Variants in EIPR1 observed in about 807,000 individuals in gnomAD.
The protein encoded by EIPR1 is EARP and GARP complex-interacting protein 1.
EIPR1 carries 25 observed loss-of-function variants against 48.1 expected under a neutral mutation model. The observed-to-expected ratio is 0.52, with a 90% confidence interval of 0.38 to 0.73. The LOEUF is 0.73. EIPR1 is among the 30% of genes least tolerant of loss of function. The pLI, the probability that EIPR1 is intolerant of heterozygous loss-of-function variation, is 0.00. For missense variants in EIPR1, 415 were observed against 506.2 expected (o/e 0.82, Z 1.73); for synonymous variants, 204 against 201.9 (o/e 1.01, Z -0.09).
At chr2:3,322,758 G>A (rs1227585729) in intron 3 of EIPR1, among the ~76,000 whole-genome samples, 1 of 152,174 alleles carries the variant, frequency 6.6e-6, no homozygotes, top group East Asian at 1.9e-4. Context: ...TCCCAAATCC[G>A]CCCTTGCACT....
rs116758165 is a variant in EIPR1 at position 3,300,502 on chromosome 2, G to A, written c.259+37515C>T. On this transcript the variant is annotated intron_variant, in intron 3 of 8. Transcript: ENST00000382125. ...CCTGGACTGGGCTCCCAGCAGTCTCGCCTCAATGCCACCTGCATGTCCACG... is the reference window on the plus strand; with the variant it reads ...CCTGGACTGGGCTCCCAGCAGTCTCACCTCAATGCCACCTGCATGTCCACG... 7.2e-3 allele frequency among the ~76,000 whole-genome samples: 1,100 copies of A among 152,234 alleles called. 14 individuals carry two copies. Among genetic ancestry groups the A allele is most frequent in the African/African-American group, 0.026 (1,061 of 41,532 alleles).
At chr2:3,268,596 T>C (rs1034789225) in intron 3 of EIPR1, among the ~76,000 whole-genome samples, 1 of 152,206 alleles carries the variant, frequency 6.6e-6, no homozygotes, top group African/African-American at 2.4e-5. Context: ...TAACCTGCTC[T>C]GTTTCCACTT....
At chr2:3,310,727 CTTATAT>C (rs1331133826) in intron 3 of EIPR1, among the ~76,000 whole-genome samples, 3 of 150,926 alleles carry the variant, frequency 2.0e-5, no homozygotes, top group Admixed American at 1.3e-4. Context: ...GTAAGACTGC[CTTATAT>C]TTATATTTAA....
At chr2:3,262,071 G>C (rs1487531874) in intron 3 of EIPR1, 1 of 152,280 alleles carries the variant, frequency 6.6e-6, no homozygotes, top group Non-Finnish European at 1.5e-5. Flanking sequence ...GTGGAGTCTT[G>C]TTAGAGCAGA....
At chr2:3,210,151 G>A (rs757896049) in intron 5 of EIPR1, among the ~76,000 whole-genome samples, 26 of 151,490 alleles carry the variant, frequency 1.7e-4, no homozygotes, top group African/African-American at 5.3e-4. Flanking sequence ...CAATTTTGCC[G>A]TGAACTTAAA....
intron 5 of EIPR1, among the ~76,000 whole-genome samples, chr2:3,202,466 C>T (rs566453995): frequency 2.0e-5 from 3 of 152,212 alleles, no homozygotes; most frequent in Admixed American, 6.5e-5. Context: ...TCTAACTAAT[C>T]GATACTGTGT....
chr2:3,352,001 C>A (rs1302147005), intron 2 of EIPR1, among the ~76,000 whole-genome samples: 1 of 148,346 alleles, frequency 6.7e-6, no homozygotes, highest in African/African-American at 2.5e-5. Flanking sequence ...ACAGAAGCTA[C>A]CTGCCCCTGA....
chr2:3,199,087 T>C (rs1380641252), intron 5 of EIPR1, among the ~76,000 whole-genome samples: 3 of 84,986 alleles, frequency 3.5e-5, no homozygotes, highest in Non-Finnish European at 7.3e-5. Flanking sequence ...GGGAATGCAT[T>C]CTTTTCCCGG....
At position 3,269,363 on chromosome 2, in the gene EIPR1, G is replaced by A. The variant is rs1160090535; in HGVS notation, c.260-11908C>T. ...CACTCAGTCATCGCACTCAGTCATC[G>A]CACTCAATCATCGCACTCAGTCATC... On this transcript the variant is annotated intron_variant, in intron 3 of 8. Coordinates refer to ENST00000382125, the MANE Select transcript of EIPR1 (RefSeq NM_003310.5). 4.3e-3 allele frequency among the ~76,000 whole-genome samples: 173 copies of A among 40,458 alleles called. 31 individuals carry two copies. Among genetic ancestry groups the A allele is most frequent in the South Asian group, 0.013 (11 of 826 alleles). 26.5% of individuals were successfully genotyped at this position (40,458 alleles called of 152,430 possible). A position where few individuals can be genotyped will look rare whatever the true frequency, so the allele number is the denominator to read the frequency against.
intron 3 of EIPR1, among the ~76,000 whole-genome samples, chr2:3,329,077 C>T (rs189185446): frequency 2.3e-4 from 16 of 68,194 alleles, no homozygotes; most frequent in South Asian, 1.1e-3. Context: ...GGGCACCAGC[C>T]AGGCTCCCCT....
intron 1 of EIPR1, among the ~76,000 whole-genome samples, chr2:3,364,452 A>C (rs1190134398): frequency 6.6e-6 from 1 of 152,050 alleles, no homozygotes; most frequent in East Asian, 1.9e-4. Context: ...CAACATGATG[A>C]AATCCCATCT....
rs184261808 is a variant in EIPR1 at position 3,215,711 on chromosome 2, C to T, written c.417-1463G>A. ...ACACTATTTCTTTTTAAACAGAACACAATATGGATTGATTGGGGGCACCCT... is the reference window on the plus strand; with the variant it reads ...ACACTATTTCTTTTTAAACAGAACATAATATGGATTGATTGGGGGCACCCT... On this transcript the variant is annotated intron_variant, in intron 4 of 8. Transcript: ENST00000382125. 1.6e-4 allele frequency among the ~76,000 whole-genome samples: 24 copies of T among 152,298 alleles called. 1 individual carries two copies. The highest frequency in any genetic ancestry group is 5.3e-4 in the African/African-American group (22 of 41,562).
chr2:3,373,708 A>T (rs928412821), intron 1 of EIPR1, among the ~76,000 whole-genome samples: 1 of 152,156 alleles, frequency 6.6e-6, no homozygotes, highest in Non-Finnish European at 1.5e-5. Context: ...ACTACAAACC[A>T]CTGCTCAATG....
At chr2:3,222,604 T>C (rs1558233839) in intron 4 of EIPR1, among the ~76,000 whole-genome samples, 1 of 152,158 alleles carries the variant, frequency 6.6e-6, no homozygotes, top group African/African-American at 2.4e-5. Flanking sequence ...ACAGGGAACA[T>C]TGTAAGGCTG....
intron 5 of EIPR1, chr2:3,208,476 G>T (rs7584823): frequency 0.59 from 893,701 of 1,509,444 alleles, 266,569 homozygotes; most frequent in East Asian, 0.75. Context: ...TCATCTGTCA[G>T]TTGGGAGGGG....
chr2:3,194,956 C>T (rs899634345), intron 6 of EIPR1, among the ~76,000 whole-genome samples: 7 of 152,340 alleles, frequency 4.6e-5, no homozygotes, highest in African/African-American at 1.2e-4. Context: ...GTTCACAGTG[C>T]GTGCGTTCTC....
intron 5 of EIPR1, among the ~76,000 whole-genome samples, chr2:3,206,746 A>C (rs566604980): frequency 6.6e-6 from 1 of 151,488 alleles, no homozygotes; most frequent in South Asian, 2.1e-4. Context: ...ACAGATCAGA[A>C]TTATTTTTTT....
intron 3 of EIPR1, among the ~76,000 whole-genome samples, chr2:3,332,934 T>C (rs1669942352): frequency 6.6e-6 from 1 of 152,334 alleles, no homozygotes; most frequent in Middle Eastern, 3.4e-3. Context: ...CTAGGAGAGA[T>C]GGATGTATGG....
At chr2:3,208,823 T>C in intron 5 of EIPR1, 1 of 1,550,502 alleles carries the variant, frequency 6.4e-7, no homozygotes, top group Non-Finnish European at 8.7e-7. Context: ...GTGAGGCCCG[T>C]GGCAGGTGCA....
Sources: gnomAD v4.1 joint callset for allele counts (sites outside exome capture counted in the v4.1 genomes callset) on GRCh38, gnomAD v4.1.1 for gene constraint, MANE v1.5 for transcripts, NCBI Gene and HGNC (gene_info 2026-07-23, HGNC 2026-07-21) for gene names.